Variants in CELSR1 observed in about 807,000 individuals in gnomAD.
The protein encoded by CELSR1 is cadherin EGF LAG seven-pass G-type receptor 1.
In CELSR1, 110 loss-of-function variants were observed where a neutral mutation model predicts 249.1. The observed-to-expected ratio is 0.44, with a 90% CI of 0.38 to 0.52. CELSR1 has a LOEUF of 0.52. Among genes scored for constraint, CELSR1 ranks in the 20% least tolerant of loss-of-function variants. CELSR1 has a pLI of 0.00. For synonymous variants in CELSR1, 2,113 were observed against 1,900.0 expected (o/e 1.11, Z -2.92); for missense variants, 4,109 against 4,296.4 (o/e 0.96, Z 1.22).
At chr22:46,455,364 G>T (rs991375636) in intron 2 of CELSR1, among the ~76,000 whole-genome samples, 2 of 152,122 alleles carry the variant, frequency 1.3e-5, no homozygotes, top group Admixed American at 6.5e-5. Flanking sequence ...CAAGTAGCTG[G>T]GATTACAGGT....
At position 46,429,444 on chromosome 22, in the gene CELSR1, T is replaced by C. The variant is rs2079570221; in HGVS notation, c.4611+3949A>G. Reference sequence around the variant, plus strand: ...CCGGCGTGGCTGTGGGCGTGGGGGCTGTGTTGTTCATCTGTGCTTGGCGGA... The same window carrying C: ...CCGGCGTGGCTGTGGGCGTGGGGGCCGTGTTGTTCATCTGTGCTTGGCGGA... On this transcript the variant is annotated intron_variant, in intron 5 of 34. Coordinates refer to ENST00000674500, the MANE Select transcript of CELSR1 (RefSeq NM_001378328.1). The surrounding 1 kb of genome is among the most constrained non-coding windows in gnomAD (Gnocchi z 4.1). 6.6e-6 allele frequency among the ~76,000 whole-genome samples: 1 copy of C among 152,158 alleles called. No individual in the cohort carries two copies. The highest frequency in any genetic ancestry group is 1.5e-5 in the Non-Finnish European group (1 of 68,010).
chr22:46,483,956 C>A (rs999868774), intron 1 of CELSR1, among the ~76,000 whole-genome samples: 1 of 152,194 alleles, frequency 6.6e-6, no homozygotes, highest in African/African-American at 2.4e-5. Context: ...AAAGGTGTAA[C>A]AACAAAGGCA....
chr22:46,535,107 C>A lies in CELSR1; in HGVS notation c.2064G>T (p.Thr688=). 1.9e-6 allele frequency: 3 copies of A among 1,611,826 alleles called. 1 individual carries two copies. Among genetic ancestry groups the A allele is most frequent in the Middle Eastern group, 3.3e-4 (2 of 6,052 alleles). The change falls in exon 1 of 35, where the codon ACG becomes ACT. Residue 688 remains threonine (T), a synonymous_variant. Transcript: ENST00000674500. The part of the protein sequence containing the change: ...LDVNDNDPVF[T]QPTYELRLNE... ...TCAGACGAAGCTCGTAGGTGGGCTG[C>A]GTGAACACCGGGTCGTTGTCATTCA...
chr22:46,371,343 C>G (rs554207335), intron 25 of CELSR1, among the ~76,000 whole-genome samples: 5 of 151,996 alleles, frequency 3.3e-5, no homozygotes, highest in Non-Finnish European at 7.4e-5. Context: ...GGGAGCAACA[C>G]CCCCCCACCC....
rs2079264922 is a variant in CELSR1, at chr22:46,406,282, G to A, written c.5226+2714C>T. Among the ~76,000 whole-genome samples, 1 of 152,168 alleles carries A rather than the reference G, an allele frequency of 6.6e-6. No homozygotes were observed. The highest frequency in any genetic ancestry group is 2.4e-5 in the African/African-American group (1 of 41,446). ...AGTTTTGGCCTGGAGCAAGCTTCTG[G>A]GGCTGCCTGGGAGACTCATGAAATT... On this transcript the variant is annotated intron_variant, in intron 9 of 34. Coordinates refer to ENST00000674500, the MANE Select transcript of CELSR1 (RefSeq NM_001378328.1). The surrounding 1 kb of genome is among the most constrained non-coding windows in gnomAD (Gnocchi z 5.4).
intron 1 of CELSR1, among the ~76,000 whole-genome samples, chr22:46,520,894 T>A (rs2080678568): frequency 6.6e-6 from 1 of 152,042 alleles, no homozygotes; most frequent in East Asian, 1.9e-4. Flanking sequence ...TCCTGTCCCC[T>A]CCCCACCCCC....
chr22:46,474,313 G>C (rs1024333288), intron 1 of CELSR1, among the ~76,000 whole-genome samples: 2 of 152,052 alleles, frequency 1.3e-5, no homozygotes, highest in Admixed American at 6.5e-5. Flanking sequence ...GGTTTCCCTG[G>C]TTTCTCCTCT....
intron 1 of CELSR1, among the ~76,000 whole-genome samples, chr22:46,514,704 G>A (rs552154741): frequency 1.5e-4 from 23 of 152,262 alleles, no homozygotes; most frequent in Admixed American, 6.5e-4. Context: ...CGGGGCTGCA[G>A]GGCCGAGGCT....
intron 1 of CELSR1, among the ~76,000 whole-genome samples, chr22:46,516,465 G>A (rs2080629282): frequency 6.6e-6 from 1 of 152,074 alleles, no homozygotes; most frequent in South Asian, 2.1e-4. Flanking sequence ...TGTGGGGTTG[G>A]GGGAGTGGGG....
rs543992182 is a variant in CELSR1 at position 46,388,879 on chromosome 22, C to A, written c.6555+411G>T. ...TGGGGGCCCACTGCCGGGCCCTGCC[C>A]CTTACAAGCTGTGCCTTTGGGCAAA... On this transcript the variant is annotated intron_variant, in intron 18 of 34. Coordinates refer to ENST00000674500, the MANE Select transcript of CELSR1 (RefSeq NM_001378328.1). 2.1e-4 allele frequency among the ~76,000 whole-genome samples: 32 copies of A among 152,356 alleles called. No homozygotes were observed. The East Asian group carries it at 5.8e-3, about 28-fold the overall frequency.
intron 1 of CELSR1, among the ~76,000 whole-genome samples, chr22:46,496,200 CAAA>C (rs3081584): frequency 2.3e-4 from 33 of 144,412 alleles, no homozygotes; most frequent in African/African-American, 7.9e-4. Flanking sequence ...GACTTTGTCT[CAAA>C]AAAAAAAAAA....
intron 24 of CELSR1, among the ~76,000 whole-genome samples, chr22:46,375,516 C>G (rs76145332): frequency 2.0e-5 from 3 of 151,512 alleles, no homozygotes; most frequent in Non-Finnish European, 2.9e-5. Flanking sequence ...ATCTTCTGCC[C>G]GTCGTCCACC....
Position 46,391,410 on chromosome 22 carries a change from A to G in CELSR1, c.6149-123T>C, listed in dbSNP as rs901083951. 1.1e-6 allele frequency: 1 copy of G among 935,826 alleles called. No homozygotes were observed. Among genetic ancestry groups the G allele is most frequent in the Non-Finnish European group, 1.6e-6 (1 of 628,418 alleles). The allele number at this position is 935,826 out of a possible 1,614,324, so 58.0% of individuals were successfully genotyped here. A position where few individuals can be genotyped will look rare whatever the true frequency, so the allele number is the denominator to read the frequency against. On this transcript the variant is annotated intron_variant, in intron 15 of 34. Coordinates refer to ENST00000674500, the MANE Select transcript of CELSR1 (RefSeq NM_001378328.1). This position sits in a 1 kb window ranked among gnomAD's most constrained non-coding sequence, Gnocchi z 4.3. The stretch of plus-strand genomic sequence containing the variant: ...CTGCTCCCACCAAGAACCGAACCCT[A>G]GCATCTCCCCTGCCCCCATCCATGT...
At position 46,537,588 on chromosome 22, in the gene CELSR1, C is replaced by G. The variant is rs2080873013; in HGVS notation, c.-418G>C. On this transcript the variant is annotated 5_prime_UTR_variant, in exon 1 of 35. Transcript: ENST00000674500. The surrounding 1 kb of genome is among the most constrained non-coding windows in gnomAD (Gnocchi z 5.8). The stretch of plus-strand genomic sequence containing the variant: ...TGGGCAGCTCCGCGCCGCGCAGACC[C>G]CGGCGGCCGGCTGCTGCCTGGGCGG... Among the ~76,000 whole-genome samples, 1 of 147,306 alleles carries G rather than the reference C, an allele frequency of 6.8e-6. No individual in the cohort carries two copies. Among genetic ancestry groups the G allele is most frequent in the African/African-American group, 2.4e-5 (1 of 40,904 alleles).
intron 29 of CELSR1, 61 bp downstream of exon 29, chr22:46,366,932 T>TC: frequency 2.6e-6 from 4 of 1,520,430 alleles, no homozygotes; most frequent in Non-Finnish European, 2.7e-6. Context: ...TCGATCACCC[T>TC]CCCCCGCCCC....
At chr22:46,457,453 G>A (rs546070750) in intron 2 of CELSR1, among the ~76,000 whole-genome samples, 1 of 152,306 alleles carries the variant, frequency 6.6e-6, no homozygotes, top group African/African-American at 2.4e-5. Context: ...GCACACAGGA[G>A]GGGCACCCAG....
Position 46,390,258 on chromosome 22 carries a change from G to A in CELSR1, c.6345+134C>T, listed in dbSNP as rs1232119776. 5 of 680,418 alleles carry A rather than the reference G, an allele frequency of 7.3e-6. No individual in the cohort carries two copies. Among genetic ancestry groups the A allele is most frequent in the East Asian group, 3.0e-5 (1 of 33,828 alleles). The allele number at this position is 680,418 out of a possible 1,614,324, so 42.1% of individuals were successfully genotyped here. The stretch of plus-strand genomic sequence containing the variant: ...CCTGCTGGCTCCAGGCTGCGGGCCC[G>A]TGGGGCTGTCCCTGCGCCATCCCAG... On this transcript the variant is annotated intron_variant, in intron 17 of 34. Coordinates refer to ENST00000674500, the MANE Select transcript of CELSR1 (RefSeq NM_001378328.1). The surrounding 1 kb of genome is among the most constrained non-coding windows in gnomAD (Gnocchi z 6.3).
Position 46,457,443 on chromosome 22 carries a change from G to A in CELSR1, c.4183+6264C>T, listed in dbSNP as rs138523125. Among the ~76,000 whole-genome samples, 289 of 152,248 alleles carry A rather than the reference G, an allele frequency of 1.9e-3. 2 individuals are homozygous for A. Among genetic ancestry groups the A allele is most frequent in the African/African-American group, 6.4e-3 (267 of 41,540 alleles). ...AACAAAGCAGCCCCGGCCCACTGGCGCACACAGGAGGGGCACCCAGGTCTG... is the reference window on the plus strand; with the variant it reads ...AACAAAGCAGCCCCGGCCCACTGGCACACACAGGAGGGGCACCCAGGTCTG... On this transcript the variant is annotated intron_variant, in intron 2 of 34. Coordinates refer to ENST00000674500, the MANE Select transcript of CELSR1 (RefSeq NM_001378328.1).
rs767077664 is a variant in CELSR1, at chr22:46,535,677, G to A, written c.1494C>T (p.Ile498=). ...ACTGGCCGGCCACGTTCCCGCTGAG[G>A]ATGCTGTAGTGAATGGCCGCGTTCT... ...QGQNAAIHYS[I]LSGNVAGQFY... is the part of the protein sequence containing the mutation. Residue 498 remains isoleucine, a synonymous_variant, in exon 1 of 35, where the codon ATC becomes ATT. Transcript: ENST00000674500. 4 of 1,613,032 alleles carry A rather than the reference G, an allele frequency of 2.5e-6. No homozygotes were observed. The highest frequency in any genetic ancestry group is 3.4e-6 in the Non-Finnish European group (4 of 1,180,040).
Sources: allele counts gnomAD v4.1 joint callset (sites outside exome capture counted in the v4.1 genomes callset), GRCh38; gene constraint gnomAD v4.1.1; non-coding constraint Gnocchi (gnomAD v3.1); transcripts MANE v1.5; gene names NCBI Gene and HGNC (gene_info 2026-07-23, HGNC 2026-07-21).